The following ZNF267 variants were observed in gnomAD, a reference collection of about 807,000 sequenced individuals.
ZNF267 encodes zinc finger (C2H2).
A neutral mutation model predicts 71.6 loss-of-function variants in ZNF267; 61 were observed. The ratio of observed to expected loss-of-function variants is 0.85; its 90% CI spans 0.69 to 1.05. The LOEUF is 1.05. Ranked by LOEUF, ZNF267 falls within the 50% of genes least tolerant of loss-of-function variation. The pLI, the probability that ZNF267 is intolerant of heterozygous loss-of-function variation, is 0.00. For synonymous variants in ZNF267, 288 were observed against 293.2 expected (o/e 0.98, Z 0.18); for missense variants, 852 against 870.0 (o/e 0.98, Z 0.26).
chr16:31,883,953 C>T (rs1166958190), intron 1 of ZNF267, among the ~76,000 whole-genome samples: 1 of 152,206 alleles, frequency 6.6e-6, no homozygotes, highest in African/African-American at 2.4e-5. Context: ...ACAGGAGGAT[C>T]GCCTGAGCCC....
chr16:31,898,002 C>G (rs1334653212), intron 3 of ZNF267, among the ~76,000 whole-genome samples: 1 of 152,096 alleles, frequency 6.6e-6, no homozygotes, highest in Non-Finnish European at 1.5e-5. Flanking sequence ...TTCAAGTCTT[C>G]TGTTTCCTTA....
intron 3 of ZNF267, among the ~76,000 whole-genome samples, chr16:31,886,140 T>C (rs1158385418): frequency 6.6e-6 from 1 of 152,200 alleles, no homozygotes; most frequent in Non-Finnish European, 1.5e-5. Flanking sequence ...ATATTATCTA[T>C]TTAAAGGTTA....
At chr16:31,900,279 G>A (rs1567477281) in intron 3 of ZNF267, among the ~76,000 whole-genome samples, 1 of 151,944 alleles carries the variant, frequency 6.6e-6, no homozygotes, top group Admixed American at 6.6e-5. Context: ...TACTTTATTT[G>A]TGTATATTAT....
chr16:31,907,009 C>T (rs768870745), intron 3 of ZNF267, among the ~76,000 whole-genome samples: 1 of 152,010 alleles, frequency 6.6e-6, no homozygotes, highest in Non-Finnish European at 1.5e-5. Flanking sequence ...ATTTTTTCAT[C>T]ACTTTCAATA....
chr16:31,908,223 T>G (rs2084107618), intron 3 of ZNF267, among the ~76,000 whole-genome samples: 1 of 152,092 alleles, frequency 6.6e-6, no homozygotes, highest in African/African-American at 2.4e-5. Flanking sequence ...TCCCTTCAAA[T>G]CTTGTGCCCA....
chr16:31,882,278 C>G (rs2083895805), intron 1 of ZNF267, among the ~76,000 whole-genome samples: 1 of 152,196 alleles, frequency 6.6e-6, no homozygotes, highest in African/African-American at 2.4e-5. Flanking sequence ...TCTCCAGTCT[C>G]TGTATCTGTA....
intron 3 of ZNF267, among the ~76,000 whole-genome samples, chr16:31,902,122 C>A (rs1301475257): frequency 6.6e-6 from 1 of 152,134 alleles, no homozygotes; most frequent in Non-Finnish European, 1.5e-5. Flanking sequence ...GGCATTATTT[C>A]TGAGGGCTCT....
chr16:31,902,006 C>G (rs1409432932), intron 3 of ZNF267, among the ~76,000 whole-genome samples: 1 of 147,942 alleles, frequency 6.8e-6, no homozygotes, highest in Non-Finnish European at 1.5e-5. Context: ...TCAGCTTTCT[C>G]CATATGGCTA....
chr16:31,910,640 A>G (rs921547434), intron 3 of ZNF267, among the ~76,000 whole-genome samples: 1 of 151,266 alleles, frequency 6.6e-6, no homozygotes, highest in Non-Finnish European at 1.5e-5. Context: ...TTTTTTTCTT[A>G]GTCAAGCTAA....
At chr16:31,908,539 A>T (rs2084109869) in intron 3 of ZNF267, among the ~76,000 whole-genome samples, 1 of 152,180 alleles carries the variant, frequency 6.6e-6, no homozygotes, top group Non-Finnish European at 1.5e-5. Context: ...TTGAAATCTT[A>T]AAGTCCTTAA....
intron 3 of ZNF267, among the ~76,000 whole-genome samples, chr16:31,903,372 C>T (rs1191950344): frequency 5.3e-5 from 8 of 152,162 alleles, no homozygotes; most frequent in African/African-American, 1.9e-4. Context: ...GGTAGCAGCT[C>T]CTCCTTGTAC....
chr16:31,909,690 T>C (rs2084121076), intron 3 of ZNF267, among the ~76,000 whole-genome samples: 2 of 152,258 alleles, frequency 1.3e-5, no homozygotes, highest in Admixed American at 6.5e-5. Context: ...AATATAAGAC[T>C]GTACCATCTG....
rs749663569 is a variant in ZNF267, at chr16:31,884,639, C to G, written c.130+15C>G. 4 of 1,604,240 alleles carry G rather than the reference C, an allele frequency of 2.5e-6. No individual in the cohort carries two copies. Among genetic ancestry groups the G allele is most frequent in the African/African-American group, 1.3e-5 (1 of 74,216 alleles). On this transcript the variant is annotated intron_variant, in intron 2 of 3. Coordinates refer to ENST00000300870, the MANE Select transcript of ZNF267 (RefSeq NM_003414.6). ...GGTCTCTCTGGGTGAGGATAACTTG[C>G]CTTCGGAATATCTAATAACTAAGAG...
chr16:31,891,217 A>G (rs1156757760), intron 3 of ZNF267, among the ~76,000 whole-genome samples: 2 of 152,118 alleles, frequency 1.3e-5, no homozygotes, highest in African/African-American at 4.8e-5. Context: ...AAAACTCCAC[A>G]GTTTTTCTCC....
In ZNF267 at chr16:31,874,010, C is replaced by T. The variant is rs1264159390; in HGVS notation, c.3+41C>T. ...CGGGGGTCCCCAGAGGGAGGGAGGG[C>T]GGTGGTCGGAAGCGGCGGGAACCCG... On this transcript the variant is annotated intron_variant, in intron 1 of 3. Transcript: ENST00000300870. 3 of 1,597,626 alleles carry T rather than the reference C, an allele frequency of 1.9e-6. No homozygotes were observed. In the Admixed American group the frequency reaches 5.1e-5, roughly 27 times the overall value.
intron 3 of ZNF267, among the ~76,000 whole-genome samples, chr16:31,900,070 C>T (rs1311970212): frequency 6.6e-6 from 1 of 151,048 alleles, no homozygotes; most frequent in Admixed American, 6.6e-5. Flanking sequence ...GTAGTGTATT[C>T]ATTTCCACAA....
chr16:31,900,011 C>T (rs1567477161), intron 3 of ZNF267, among the ~76,000 whole-genome samples: 1 of 151,778 alleles, frequency 6.6e-6, no homozygotes, highest in South Asian at 2.1e-4. Flanking sequence ...CACACACACA[C>T]ATACACACAC....
chr16:31,898,839 G>A (rs563879073), intron 3 of ZNF267, among the ~76,000 whole-genome samples: 101 of 152,136 alleles, frequency 6.6e-4, no homozygotes, highest in African/African-American at 2.2e-3. Flanking sequence ...TAAAGGGATG[G>A]TGGAAGATCT....
chr16:31,875,140 G>A (rs1231517232), intron 1 of ZNF267: 1 of 1,289,004 alleles, frequency 7.8e-7, no homozygotes, highest in African/African-American at 1.5e-5. Context: ...TTTTGCTTTG[G>A]AAACTTTACA....
Sources: allele counts gnomAD v4.1 joint callset (sites outside exome capture counted in the v4.1 genomes callset), GRCh38; gene constraint gnomAD v4.1.1; transcripts MANE v1.5; gene names NCBI Gene and HGNC (gene_info 2026-07-23, HGNC 2026-07-21).